AP2B1: variants seen among roughly 807,000 people sequenced by gnomAD.
AP2B1 encodes the protein adaptor related protein complex 2 subunit beta 1.
AP2B1 carries 23 observed loss-of-function variants against 102.0 expected under a neutral mutation model. That is an observed-to-expected ratio of 0.23 (90% confidence interval 0.16 to 0.32). The LOEUF is 0.32. Among genes scored for constraint, AP2B1 ranks in the 10% least tolerant of loss-of-function variants. The probability of loss-of-function intolerance (pLI) is 1.00; values close to 1 mark genes in which losing one functional copy is unlikely to be tolerated. For missense variants in AP2B1, 541 were observed against 1,157.4 expected (o/e 0.47, Z 7.73); for synonymous variants, 381 against 421.2 (o/e 0.90, Z 1.17).
rs925424048 is a variant in AP2B1 at position 35,590,340 on chromosome 17, A to T, written c.-24+2912A>T. Among the ~76,000 whole-genome samples, 4 of 152,276 alleles carry T rather than the reference A, an allele frequency of 2.6e-5. No homozygotes were observed. The South Asian group carries it at 6.2e-4, about 24-fold the overall frequency. Reference sequence around the variant, plus strand: ...ATGAGGTGAGAACTCATTATATGAGAGATACACTGAATCATATATATATGT... The same window carrying T: ...ATGAGGTGAGAACTCATTATATGAGTGATACACTGAATCATATATATATGT... On this transcript the variant is annotated intron_variant, in intron 1 of 21. Coordinates refer to ENST00000610402, the MANE Select transcript of AP2B1 (RefSeq NM_001030006.2).
At chr17:35,592,643 A>C (rs760649251) in intron 1 of AP2B1, among the ~76,000 whole-genome samples, 3 of 152,096 alleles carry the variant, frequency 2.0e-5, no homozygotes, top group South Asian at 4.1e-4. Flanking sequence ...CCCAGGTCCA[A>C]GCGATTCTCC....
intron 5 of AP2B1, among the ~76,000 whole-genome samples, chr17:35,614,655 TAAAAAAAAAAA>T (rs3031833): frequency 2.1e-5 from 2 of 93,168 alleles, no homozygotes; most frequent in Non-Finnish European, 4.0e-5. Flanking sequence ...GTTGAATTAG[TAAAAAAAAAAA>T]AAAAAAAAAA....
intron 18 of AP2B1, among the ~76,000 whole-genome samples, chr17:35,684,635 A>C (rs1286565285): frequency 2.0e-5 from 3 of 152,220 alleles, no homozygotes; most frequent in African/African-American, 7.2e-5. Context: ...AAGGATTACT[A>C]TGCAGATGGA....
chr17:35,603,503 C>T (rs1211333535), intron 3 of AP2B1, among the ~76,000 whole-genome samples: 1 of 152,114 alleles, frequency 6.6e-6, no homozygotes, highest in East Asian at 1.9e-4. Flanking sequence ...AAGGTATAAA[C>T]TCCTTTTATA....
At chr17:35,707,217 G>A (rs918260655) in intron 18 of AP2B1, among the ~76,000 whole-genome samples, 1 of 150,594 alleles carries the variant, frequency 6.6e-6, no homozygotes, top group African/African-American at 2.4e-5. Flanking sequence ...GCAGTGACAC[G>A]ATTTCGGCTC....
intron 3 of AP2B1, 103 bp downstream of exon 3, chr17:35,598,438 A>G (rs2073364492): frequency 9.2e-6 from 6 of 655,560 alleles, no homozygotes; most frequent in African/African-American, 9.1e-5. Flanking sequence ...TAGAACCTCT[A>G]AGAATGGGTT....
intron 10 of AP2B1, 136 bp downstream of exon 10, chr17:35,636,592 A>AC (rs2074613463): frequency 1.6e-6 from 1 of 619,852 alleles, no homozygotes. Flanking sequence ...AATCGGAAAC[A>AC]TTAAAATGGT....
At position 35,605,828 on chromosome 17, in the gene AP2B1, C is replaced by T. The variant is rs535097524; in HGVS notation, c.267C>T (p.Asn89=). 3.4e-5 allele frequency: 55 copies of T among 1,611,220 alleles called. No homozygotes were observed. The East Asian group carries it at 8.0e-4, about 23-fold the overall frequency. ...SQPDMAIMAV[N]SFVKDCEDPN... ...CAGACATGGCCATCATGGCTGTAAA[C>T]AGCTTTGTGAAGGTAACTTTTCCCA... The change falls in exon 4 of 22, where the codon AAC becomes AAT. Residue 89 remains asparagine, a synonymous_variant. Transcript: ENST00000610402.
intron 18 of AP2B1, among the ~76,000 whole-genome samples, chr17:35,703,831 T>TAAAAGTTAAATTTTTTAAAA: frequency 1.1e-4 from 1 of 8,836 alleles, no homozygotes; most frequent in Non-Finnish European, 2.0e-4. Flanking sequence ...GAACTTGAAA[T>TAAAAGTTAAATTTTTTAAAA]AAAAGTTCAG....
chr17:35,692,179 C>A (rs1478710000), intron 18 of AP2B1, among the ~76,000 whole-genome samples: 1 of 152,202 alleles, frequency 6.6e-6, no homozygotes, highest in African/African-American at 2.4e-5. Context: ...AATCTGTCCT[C>A]AAAGTCAGGA....
chr17:35,669,581 G>A (rs1277211961), intron 14 of AP2B1, among the ~76,000 whole-genome samples: 1 of 152,196 alleles, frequency 6.6e-6, no homozygotes, highest in Non-Finnish European at 1.5e-5. Context: ...GCTTGCTAAT[G>A]CCAGTTATGA....
rs2143017644 is a variant in AP2B1 at position 35,726,121 on chromosome 17, A to T, written c.*2422A>T. 6.6e-6 allele frequency: 1 copy of T among 152,262 alleles called. No individual in the cohort carries two copies. The highest frequency in any genetic ancestry group is 2.4e-5 in the African/African-American group (1 of 41,548). The allele number at this position is 152,262 out of a possible 1,614,324, so 9.4% of individuals were successfully genotyped here. A position where few individuals can be genotyped will look rare whatever the true frequency, so the allele number is the denominator to read the frequency against. The stretch of plus-strand genomic sequence containing the variant: ...CCCTGCATCCCCCCTCCTCTGCCTG[A>T]GTGTGTCTTTGTAATGTCAGCTGGC... On this transcript the variant is annotated 3_prime_UTR_variant, in exon 22 of 22. Coordinates refer to ENST00000610402, the MANE Select transcript of AP2B1 (RefSeq NM_001030006.2).
At chr17:35,675,614 T>G (rs1185522172) in intron 17 of AP2B1, among the ~76,000 whole-genome samples, 1 of 150,942 alleles carries the variant, frequency 6.6e-6, no homozygotes, top group Admixed American at 6.6e-5. Flanking sequence ...TGCATTCATC[T>G]CTAGCCTTTT....
At position 35,624,535 on chromosome 17, in the gene AP2B1, A is replaced by G. The variant is rs757684565; in HGVS notation, c.664A>G (p.Ile222Val). The G allele has an allele frequency of 2.5e-6, 4 of 1,614,186 alleles. No individual in the cohort carries two copies. Among genetic ancestry groups the G allele is most frequent in the South Asian group, 1.1e-5 (1 of 91,072 alleles). Reference protein sequence around the residue: ...NECTEWGQIFILDCLSNYNPK... With the variant: ...NECTEWGQIFVLDCLSNYNPK... ...ATGCACTGAATGGGGCCAGATTTTCATCCTGGACTGCCTGTCTAATTACAA... is the reference window on the plus strand; with the variant it reads ...ATGCACTGAATGGGGCCAGATTTTCGTCCTGGACTGCCTGTCTAATTACAA... Residue 222 changes from isoleucine (I) to valine (V), a missense_variant, in exon 6 of 22, where the codon ATC (isoleucine) becomes GTC (valine). Transcript: ENST00000610402.
At chr17:35,714,173 G>A (rs896980246) in intron 20 of AP2B1, among the ~76,000 whole-genome samples, 7 of 152,196 alleles carry the variant, frequency 4.6e-5, no homozygotes, top group African/African-American at 1.7e-4. Flanking sequence ...GTTCCAGCAT[G>A]GGGGCTAGGT....
chr17:35,684,275 CT>C (rs1246180610), intron 18 of AP2B1, among the ~76,000 whole-genome samples: 1 of 152,052 alleles, frequency 6.6e-6, no homozygotes, highest in Non-Finnish European at 1.5e-5. Context: ...CCACTAAGAG[CT>C]TAAGATAGAA....
chr17:35,689,297 G>A (rs1473584314), intron 18 of AP2B1, among the ~76,000 whole-genome samples: 4 of 151,838 alleles, frequency 2.6e-5, no homozygotes, highest in African/African-American at 4.8e-5. Context: ...CTCTTGCCTC[G>A]GCCTCCCGAG....
At chr17:35,716,907 C>T (rs766863273) in intron 20 of AP2B1, among the ~76,000 whole-genome samples, 1 of 152,224 alleles carries the variant, frequency 6.6e-6, no homozygotes, top group Admixed American at 6.5e-5. Flanking sequence ...TTGAGATTGC[C>T]AGCTCCTTAG....
chr17:35,670,636 T>G (rs1185053972), intron 14 of AP2B1, among the ~76,000 whole-genome samples: 3 of 152,176 alleles, frequency 2.0e-5, no homozygotes, highest in Non-Finnish European at 4.4e-5. Context: ...TCCGTCTTCT[T>G]TACAAGTTTT....
Sources: gnomAD v4.1 joint callset for allele counts (sites outside exome capture counted in the v4.1 genomes callset) on GRCh38, gnomAD v4.1.1 for gene constraint, MANE v1.5 for transcripts, NCBI Gene and HGNC (gene_info 2026-07-23, HGNC 2026-07-21) for gene names.